Variants in FFAR2 observed in about 807,000 individuals in gnomAD.
FFAR2 encodes the protein G-protein coupled receptor 43.
For synonymous variants in FFAR2, 193 were observed against 189.9 expected, an observed-to-expected ratio of 1.02 and a Z score of -0.13; for missense variants, 421 against 428.9, an observed-to-expected ratio of 0.98 and a Z score of 0.16.
In FFAR2 at chr19:35,451,383, C is replaced by CT. The variant is rs1187275241; in HGVS notation, c.*677dup. On this transcript the variant is annotated 3_prime_UTR_variant, in exon 2 of 2. Transcript: ENST00000599180. ...CAAGCTTCAAAGCAACACCTAGACA[C>CT]TGCTCTAGCGGTTGATCCTGGAGAT... is the stretch of plus-strand genomic sequence containing the variant. The CT allele has an allele frequency of 1.3e-5, 2 of 152,226 alleles. No homozygotes were observed. Among genetic ancestry groups the CT allele is most frequent in the African/African-American group, 4.8e-5 (2 of 41,436 alleles). 9.4% of individuals were successfully genotyped at this position (152,226 alleles called of 1,614,324 possible).
At chr19:35,448,951 C>T (rs530883399) in intron 1 of FFAR2, among the ~76,000 whole-genome samples, 25 of 151,938 alleles carry the variant, frequency 1.6e-4, no homozygotes, top group Admixed American at 1.2e-3. Flanking sequence ...TACAGGTGCC[C>T]GCCATATCAC....
intron 1 of FFAR2, among the ~76,000 whole-genome samples, chr19:35,448,702 C>A (rs1410655741): frequency 6.6e-6 from 1 of 152,136 alleles, no homozygotes; most frequent in Admixed American, 6.6e-5. Flanking sequence ...CTGAATATTT[C>A]TCTAAGGTCT....
Position 35,450,890 on chromosome 19 carries a change from A to G in FFAR2, c.*183A>G. The G allele has an allele frequency of 4.8e-6, 3 of 628,446 alleles. No homozygotes were observed. The highest frequency in any genetic ancestry group is 8.2e-6 in the Non-Finnish European group (3 of 367,234). The allele number at this position is 628,446 out of a possible 1,614,324, so 38.9% of individuals were successfully genotyped here. On this transcript the variant is annotated 3_prime_UTR_variant, in exon 2 of 2. Transcript: ENST00000599180. ...TTCCTGACTGAATTGTCCTACTCAA[A>G]GGAGCATAAGTCAGAGATGCACGAA...
chr19:35,449,957 C>T lies in FFAR2; in HGVS notation c.243C>T (p.Val81=). The change falls in exon 2 of 2, where the codon GTC becomes GTT. Residue 81 remains valine (V), a synonymous_variant. Coordinates refer to ENST00000599180, the MANE Select transcript of FFAR2 (RefSeq NM_001370087.1). ...SNFRWYLPKV[V]CALTSFGFYS... ...TCCGCTGGTACCTGCCCAAGGTCGT[C>T]TGCGCCCTCACGAGTTTTGGCTTCT... 6.2e-7 allele frequency: 1 copy of T among 1,614,002 alleles called. No individual in the cohort carries two copies. Among genetic ancestry groups the T allele is most frequent in the African/African-American group, 1.3e-5 (1 of 75,064 alleles).
At position 35,450,248 on chromosome 19, in the gene FFAR2, C is replaced by G. The variant is rs775283874; in HGVS notation, c.534C>G (p.Pro178=). The G allele has an allele frequency of 6.2e-7, 1 of 1,614,198 alleles. No individual in the cohort carries two copies. Among genetic ancestry groups the G allele is most frequent in the Admixed American group, 1.7e-5 (1 of 60,022 alleles). Residue 178 remains proline (P), a synonymous_variant, in exon 2 of 2, where the codon CCC becomes CCG. Coordinates refer to ENST00000599180, the MANE Select transcript of FFAR2 (RefSeq NM_001370087.1). ...ATAACCAGTTGGACGTGGTGCTGCC[C>G]GTGCGGCTGGAGCTGTGCCTGGTGC... ...FTDNQLDVVL[P]VRLELCLVLF... is the part of the protein sequence containing the mutation.
chr19:35,449,600 A>T, intron 1 of FFAR2, 114 bp from the exon 2 acceptor site: 1 of 1,138,728 alleles, frequency 8.8e-7, no homozygotes, highest in Non-Finnish European at 1.2e-6. Flanking sequence ...ATCAGAAAGC[A>T]CAGTCCTGGG....
At chr19:35,448,449 G>A (rs1371400293) in intron 1 of FFAR2, 70 bp downstream of exon 1, 1 of 152,320 alleles carries the variant, frequency 6.6e-6, no homozygotes, top group Admixed American at 6.5e-5. Context: ...GGAAGGTTCT[G>A]GGAGACTGGA....
At position 35,450,587 on chromosome 19, in the gene FFAR2, G is replaced by A. The variant is rs1041722993; in HGVS notation, c.873G>A (p.Leu291=). ...CATTTGGGAGAGGGCTGCAGGTGCT[G>A]CGGAATCAGGGCTCCTCCCTGTTGG... The part of the protein sequence containing the change: ...RRAFGRGLQV[L]RNQGSSLLGR... The change falls in exon 2 of 2, where the codon CTG becomes CTA. Residue 291 remains leucine (L), a synonymous_variant. Coordinates refer to ENST00000599180, the MANE Select transcript of FFAR2 (RefSeq NM_001370087.1). The A allele has an allele frequency of 1.2e-6, 2 of 1,614,116 alleles. No homozygotes were observed. Among genetic ancestry groups the A allele is most frequent in the African/African-American group, 2.7e-5 (2 of 74,940 alleles).
rs774217360 is a variant in FFAR2, at chr19:35,450,057, G to T, written c.343G>T (p.Val115Leu). ...IERYLGVAFPVQYKLSRRPLY... is the reference protein window; with the variant it reads ...IERYLGVAFPLQYKLSRRPLY... Reference sequence around the variant, plus strand: ...GCGCTACCTGGGAGTGGCTTTCCCCGTGCAGTACAAGCTCTCCCGCCGGCC... The same window carrying T: ...GCGCTACCTGGGAGTGGCTTTCCCCTTGCAGTACAAGCTCTCCCGCCGGCC... The change falls in exon 2 of 2, where the codon GTG becomes TTG. Residue 115 changes from valine (V) to leucine (L), a missense_variant. Transcript: ENST00000599180. 3.1e-6 allele frequency: 5 copies of T among 1,614,072 alleles called. No individual in the cohort carries two copies. Among genetic ancestry groups the T allele is most frequent in the Middle Eastern group, 1.6e-4 (1 of 6,084 alleles).
rs749520468 is a variant in FFAR2, at chr19:35,450,634, C to T, written c.920C>T (p.Ala307Val). 157 of 1,614,062 alleles carry T rather than the reference C, an allele frequency of 9.7e-5. No homozygotes were observed. Among genetic ancestry groups the T allele is most frequent in the Non-Finnish European group, 1.3e-4 (155 of 1,180,026 alleles). ...TTGGGACGCAGAGGCAAAGACACAG[C>T]AGAGGGGACAAATGAGGACAGGGGT... Reference protein sequence around the residue: ...SLLGRRGKDTAEGTNEDRGVG... With the variant: ...SLLGRRGKDTVEGTNEDRGVG... The change falls in exon 2 of 2, where the codon GCA becomes GTA. Residue 307 changes from alanine (A) to valine (V), a missense_variant. Ala to Val is a moderately conservative substitution (Grantham distance 64). Transcript: ENST00000599180.
Position 35,449,859 on chromosome 19 carries a change from C to T in FFAR2, c.145C>T (p.Leu49=). 1 of 1,613,606 alleles carries T rather than the reference C, an allele frequency of 6.2e-7. No homozygotes were observed. ...GCCTGCACCTGTGCACATCCTCCTG[C>T]TGAGCCTGACGCTGGCCGACCTCCT... ...PQPAPVHILL[L]SLTLADLLLL... is the part of the protein sequence containing the mutation. Residue 49 remains leucine (L), a synonymous_variant, in exon 2 of 2, where the codon CTG becomes TTG. Transcript: ENST00000599180.
At chr19:35,449,465 G>T (rs1281133487) in intron 1 of FFAR2, among the ~76,000 whole-genome samples, 2 of 152,238 alleles carry the variant, frequency 1.3e-5, no homozygotes, top group East Asian at 3.8e-4. Flanking sequence ...GGGAAGCCAC[G>T]AGTTGGTCTC....
At chr19:35,449,635 T>C (rs1284968410) in intron 1 of FFAR2, 79 bp from the exon 2 acceptor site, 3 of 1,438,328 alleles carry the variant, frequency 2.1e-6, no homozygotes, top group Non-Finnish European at 2.8e-6. Context: ...GGGGAGGATG[T>C]CCGCATCCTG....
intron 1 of FFAR2, 82 bp from the exon 2 acceptor site, chr19:35,449,632 A>C: frequency 7.0e-7 from 1 of 1,429,088 alleles, no homozygotes. Flanking sequence ...GCCGGGGAGG[A>C]TGTCCGCATC....
chr19:35,449,806 C>T lies in FFAR2; in HGVS notation c.92C>T (p.Ala31Val). Residue 31 changes from alanine to valine, a missense_variant, in exon 2 of 2, where the codon GCC becomes GTC. By Grantham distance (64) the Ala-to-Val change is moderately conservative. Transcript: ENST00000599180. ...CCTGCCAACCTCCTGGCCCTGCGGG[C>T]CTTTGTGGGGCGGATCCGCCAGCCC... ...GLPANLLALR[A>V]FVGRIRQPQP... The T allele has an allele frequency of 6.2e-7, 1 of 1,613,462 alleles. No homozygotes were observed. The highest frequency in any genetic ancestry group is 8.5e-7 in the Non-Finnish European group (1 of 1,179,720).
In FFAR2 at chr19:35,450,378, G is replaced by A. The variant is rs1346641739; in HGVS notation, c.664G>A (p.Gly222Arg). ...GGCCCAGAGGCGGCGCCGAGCCGTG[G>A]GGCTGGCTGTGGTGACGCTGCTCAA... ...VGAQRRRRAV[G>R]LAVVTLLNFL... The change falls in exon 2 of 2, where the codon GGG becomes AGG. Residue 222 changes from glycine to arginine, a missense_variant. Physicochemically the swap from Gly to Arg is moderately radical, Grantham distance 125. Transcript: ENST00000599180. 6.2e-7 allele frequency: 1 copy of A among 1,614,214 alleles called. No individual in the cohort carries two copies. Among genetic ancestry groups the A allele is most frequent in the South Asian group, 1.1e-5 (1 of 91,088 alleles).
chr19:35,448,906 G>A (rs919235574), intron 1 of FFAR2, among the ~76,000 whole-genome samples: 33 of 150,656 alleles, frequency 2.2e-4, no homozygotes, highest in Admixed American at 1.9e-3. Context: ...CGGTTCAAGC[G>A]ATTCTCCTGC....
intron 1 of FFAR2, among the ~76,000 whole-genome samples, chr19:35,449,076 T>C (rs2067363397): frequency 6.6e-6 from 1 of 152,012 alleles, no homozygotes; most frequent in Non-Finnish European, 1.5e-5. Context: ...AGTGCTGGGA[T>C]TACAGAAGTG....
In FFAR2 at chr19:35,450,789, T is replaced by C. The variant is rs1157039700; in HGVS notation, c.*82T>C. On this transcript the variant is annotated 3_prime_UTR_variant, in exon 2 of 2. Coordinates refer to ENST00000599180, the MANE Select transcript of FFAR2 (RefSeq NM_001370087.1). ...GAGAGGCGGAGCAGGAAGGCTCCCATCCAGATTCAGAAATCCTTAGACCCA... is the reference window on the plus strand; with the variant it reads ...GAGAGGCGGAGCAGGAAGGCTCCCACCCAGATTCAGAAATCCTTAGACCCA... 6 of 1,429,972 alleles carry C rather than the reference T, an allele frequency of 4.2e-6. No individual in the cohort carries two copies. The African/African-American group carries it at 7.1e-5, about 17-fold the overall frequency. The allele number at this position is 1,429,972 out of a possible 1,614,324, so 88.6% of individuals were successfully genotyped here. A position where few individuals can be genotyped will look rare whatever the true frequency, so the allele number is the denominator to read the frequency against.
Sources: gnomAD v4.1 joint callset for allele counts (sites outside exome capture counted in the v4.1 genomes callset) on GRCh38, gnomAD v4.1.1 for gene constraint, MANE v1.5 for transcripts, NCBI Gene and HGNC (gene_info 2026-07-23, HGNC 2026-07-21) for gene names.